MMRN2: variants seen among roughly 807,000 people sequenced by gnomAD.
MMRN2 encodes multimerin 2, also known as multimerin-2.
MMRN2 carries 53 observed loss-of-function variants against 68.8 expected under a neutral mutation model. The ratio of observed to expected loss-of-function variants is 0.77; its 90% confidence interval spans 0.62 to 0.97. MMRN2 has a LOEUF of 0.97. MMRN2 is among the 50% of genes least tolerant of loss of function. The pLI is 0.00. For synonymous variants in MMRN2, 564 were observed against 551.6 expected, an observed-to-expected ratio of 1.02 and a Z score of -0.32; for missense variants, 1,266 against 1,259.5, an observed-to-expected ratio of 1.01 and a Z score of -0.08.
Position 86,936,997 on chromosome 10 carries a change from C to T in MMRN2, c.2596G>A (p.Glu866Lys). The T allele has an allele frequency of 1.2e-6, 2 of 1,614,228 alleles. No individual in the cohort carries two copies. The highest frequency in any genetic ancestry group is 1.7e-6 in the Non-Finnish European group (2 of 1,180,044). ...FPEHGYFRAP[E>K]RGVYLFAVSV... The stretch of plus-strand genomic sequence containing the variant: ...ACTGCAAACAGGTAGACACCACGCT[C>T]AGGGGCTCGGAAGTAGCCATGTTCA... Residue 866 changes from glutamate to lysine, a missense_variant, in exon 7 of 7, where the codon GAG (glutamate) becomes AAG (lysine). Coordinates refer to ENST00000372027, the MANE Select transcript of MMRN2 (RefSeq NM_024756.3).
intron 6 of MMRN2, among the ~76,000 whole-genome samples, chr10:86,939,363 G>T (rs1843925212): frequency 6.6e-6 from 1 of 151,042 alleles, no homozygotes; most frequent in Non-Finnish European, 1.5e-5. Context: ...TCGGGAGGCT[G>T]AGGCAGGAGA....
Position 86,943,005 on chromosome 10 carries a change from G to C in MMRN2, c.1779C>G (p.His593Gln). The C allele has an allele frequency of 7.0e-7, 1 of 1,419,744 alleles. No homozygotes were observed. Among genetic ancestry groups the C allele is most frequent in the Non-Finnish European group, 9.2e-7 (1 of 1,086,774 alleles). The allele number at this position is 1,419,744 out of a possible 1,614,324, so 87.9% of individuals were successfully genotyped here. A position where few individuals can be genotyped will look rare whatever the true frequency, so the allele number is the denominator to read the frequency against. The change falls in exon 6 of 7, where the codon CAC becomes CAG. Residue 593 changes from histidine (H) to glutamine (Q), a missense_variant. Transcript: ENST00000372027. The surrounding 1 kb of genome is among the most constrained non-coding windows in gnomAD (Gnocchi z 4.2). ...AEARHEVRQL[H>Q]SAFAALLEDA... is the part of the protein sequence containing the mutation. ...CCTCCAGCAGGGCGGCGAAGGCGCT[G>C]TGCAGCTGGCGCACCTCGTGGCGGG...
intron 1 of MMRN2, among the ~76,000 whole-genome samples, chr10:86,947,183 AGT>A (rs1844082041): frequency 6.6e-6 from 1 of 152,116 alleles, no homozygotes; most frequent in African/African-American, 2.4e-5. Flanking sequence ...ACTTGGACTG[AGT>A]GATGGTGGAC....
rs1434684993 is a variant in MMRN2 at position 86,937,137 on chromosome 10, C to G, written c.2468-12G>C. 2 of 1,612,236 alleles carry G rather than the reference C, an allele frequency of 1.2e-6. No homozygotes were observed. The highest frequency in any genetic ancestry group is 2.2e-5 in the East Asian group (1 of 44,846). Reference sequence around the variant, plus strand: ...GGCCACAGGGGATCCTGAAACATAACAGGACAGTGCTTAGTGATTCATCCC... The same window carrying G: ...GGCCACAGGGGATCCTGAAACATAAGAGGACAGTGCTTAGTGATTCATCCC... On this transcript the variant is annotated splice_polypyrimidine_tract_variant and intron_variant, in intron 6 of 6. Transcript: ENST00000372027.
rs1226749924 is a variant in MMRN2 at position 86,944,443 on chromosome 10, C to T, written c.482-8G>A. On this transcript the variant is annotated splice_region_variant and splice_polypyrimidine_tract_variant and intron_variant, in intron 4 of 6. Transcript: ENST00000372027. ...TCACTGCAGCAAGGTGGCCTAAATA[C>T]ACAGCAGACATAAATGTCAAGGGCT... 6.2e-7 allele frequency: 1 copy of T among 1,613,106 alleles called. No homozygotes were observed. The highest frequency in any genetic ancestry group is 1.1e-5 in the South Asian group (1 of 90,950).
chr10:86,938,067 T>C (rs1208349635), intron 6 of MMRN2, among the ~76,000 whole-genome samples: 5 of 152,158 alleles, frequency 3.3e-5, no homozygotes, highest in Admixed American at 3.3e-4. Flanking sequence ...CCTGAGTAGC[T>C]GGGTCTACAG....
At chr10:86,951,767 C>G (rs1844147886) in intron 1 of MMRN2, among the ~76,000 whole-genome samples, 1 of 152,090 alleles carries the variant, frequency 6.6e-6, no homozygotes, top group Non-Finnish European at 1.5e-5. Context: ...CAGTTTGGAA[C>G]CTGGACACAG....
rs1036126804 is a variant in MMRN2 at position 86,947,099 on chromosome 10, G to A, written c.165-1410C>T. Among the ~76,000 whole-genome samples, 4 of 152,170 alleles carry A rather than the reference G, an allele frequency of 2.6e-5. No homozygotes were observed. The East Asian group carries it at 7.7e-4, about 29-fold the overall frequency. Reference sequence around the variant, plus strand: ...GAAGTGGCATGAAAGAGCCACCCTGGTCCCTGGGTGCAGAGATGATGGGAG... The same window carrying A: ...GAAGTGGCATGAAAGAGCCACCCTGATCCCTGGGTGCAGAGATGATGGGAG... On this transcript the variant is annotated intron_variant, in intron 1 of 6. Coordinates refer to ENST00000372027, the MANE Select transcript of MMRN2 (RefSeq NM_024756.3).
chr10:86,942,936 C>A lies in MMRN2; in HGVS notation c.1848G>T (p.Glu616Asp). 1 of 1,500,546 alleles carries A rather than the reference C, an allele frequency of 6.7e-7. No homozygotes were observed. The highest frequency in any genetic ancestry group is 8.9e-7 in the Non-Finnish European group (1 of 1,125,944). The allele number at this position is 1,500,546 out of a possible 1,614,324, so 93.0% of individuals were successfully genotyped here. A position where few individuals can be genotyped will look rare whatever the true frequency, so the allele number is the denominator to read the frequency against. Reference sequence around the variant, plus strand: ...GCTCAGACATCTCCTCCAGCACCTCCTCCCCGAAGAGCGCGGCCAGCACCG... The same window carrying A: ...GCTCAGACATCTCCTCCAGCACCTCATCCCCGAAGAGCGCGGCCAGCACCG... ...HEAVLAALFGEEVLEEMSEQT... is the reference protein window; with the variant it reads ...HEAVLAALFGDEVLEEMSEQT... The change falls in exon 6 of 7, where the codon GAG becomes GAT. Residue 616 changes from glutamate (E) to aspartate (D), a missense_variant. By Grantham distance (45) the Glu-to-Asp change is conservative. Coordinates refer to ENST00000372027, the MANE Select transcript of MMRN2 (RefSeq NM_024756.3).
Position 86,957,391 on chromosome 10 carries a change from C to T in MMRN2, c.151G>A (p.Asp51Asn), listed in dbSNP as rs1564736457. 6.2e-7 allele frequency: 1 copy of T among 1,613,328 alleles called. No individual in the cohort carries two copies. ...WKAEAEDTGK[D>N]PVGRNWCPYP... ...AGGCCCTCTTACCGTCCTACGGGGT[C>T]CTTGCCGGTGTCCTCAGCCTCTGCC... Residue 51 changes from aspartate to asparagine, a missense_variant, in exon 1 of 7, where the codon GAC becomes AAC. Physicochemically the swap from Asp to Asn is conservative, Grantham distance 23 (BLOSUM62 1). Transcript: ENST00000372027.
Position 86,942,611 on chromosome 10 carries a change from A to G in MMRN2, c.2173T>C (p.Ser725Pro). The stretch of plus-strand genomic sequence containing the variant: ...AGGCCGTGAAGGGAGGCGTTGAGGG[A>G]GGCGGCCCCGGCCCCGGCCTCGGCC... Reference protein sequence around the residue: ...CEAEAGAGAASLNASLHGLHN... With the variant: ...CEAEAGAGAAPLNASLHGLHN... The change falls in exon 6 of 7, where the codon TCC becomes CCC. Residue 725 changes from serine to proline, a missense_variant. Transcript: ENST00000372027. 1 of 1,606,382 alleles carries G rather than the reference A, an allele frequency of 6.2e-7. No homozygotes were observed. Among genetic ancestry groups the G allele is most frequent in the Middle Eastern group, 1.7e-4 (1 of 5,896 alleles).
chr10:86,945,862 T>G, intron 1 of MMRN2, 173 bp from the exon 2 acceptor site: 1 of 1,440,048 alleles, frequency 6.9e-7, no homozygotes, highest in Non-Finnish European at 9.1e-7. Context: ...AGAGCAAATG[T>G]TTCACAATCC....
chr10:86,946,369 C>G (rs904363495), intron 1 of MMRN2, among the ~76,000 whole-genome samples: 33 of 152,204 alleles, frequency 2.2e-4, no homozygotes, highest in African/African-American at 6.0e-4. Flanking sequence ...GGGACCAGCT[C>G]CCTGGCCATG....
chr10:86,941,773 C>G (rs1389996935), intron 6 of MMRN2, among the ~76,000 whole-genome samples: 2 of 139,618 alleles, frequency 1.4e-5, no homozygotes, highest in Admixed American at 1.6e-4. Flanking sequence ...GTACTCAAGC[C>G]TGGACGACAA....
rs771428530 is a variant in MMRN2 at position 86,942,959 on chromosome 10, C to T, written c.1825G>A (p.Val609Met). 8 of 1,496,406 alleles carry T rather than the reference C, an allele frequency of 5.3e-6. No individual in the cohort carries two copies. The African/African-American group carries it at 8.7e-5, about 16-fold the overall frequency. 92.7% of individuals were successfully genotyped at this position (1,496,406 alleles called of 1,614,324 possible). Reference sequence around the variant, plus strand: ...TCCTCCCCGAAGAGCGCGGCCAGCACCGCCTCGTGCCGCAGCGCGTCCTCC... The same window carrying T: ...TCCTCCCCGAAGAGCGCGGCCAGCATCGCCTCGTGCCGCAGCGCGTCCTCC... The part of the protein sequence containing the change: ...LLEDALRHEA[V>M]LAALFGEEVL... The change falls in exon 6 of 7, where the codon GTG becomes ATG. Residue 609 changes from valine to methionine, a missense_variant. Coordinates refer to ENST00000372027, the MANE Select transcript of MMRN2 (RefSeq NM_024756.3).
In MMRN2 at chr10:86,936,146, A is replaced by G; in HGVS notation, c.*597T>C. ...TTTTAGGTGGGGGCACAGCTAAACC[A>G]TATCCTACAAGGAATGACTGAAACT... On this transcript the variant is annotated 3_prime_UTR_variant, in exon 7 of 7. Transcript: ENST00000372027. 3.0e-6 allele frequency: 1 copy of G among 334,114 alleles called. No individual in the cohort carries two copies. Among genetic ancestry groups the G allele is most frequent in the Non-Finnish European group, 5.4e-6 (1 of 185,862 alleles). 20.7% of individuals were successfully genotyped at this position (334,114 alleles called of 1,614,324 possible).
Position 86,936,674 on chromosome 10 carries a change from C to T in MMRN2, c.*69G>A. On this transcript the variant is annotated 3_prime_UTR_variant, in exon 7 of 7. Transcript: ENST00000372027. ...CCAACTGAATGACCTCCAGCCCATC[C>T]TTGGCCAGAGCCCCAGGCCGAGGAG... 1 of 1,568,328 alleles carries T rather than the reference C, an allele frequency of 6.4e-7. No individual in the cohort carries two copies. Among genetic ancestry groups the T allele is most frequent in the Middle Eastern group, 2.0e-4 (1 of 5,124 alleles).
chr10:86,943,035 G>A lies in MMRN2; in HGVS notation c.1749C>T (p.Ala583=), dbSNP rs777785282. ...DEVGALKAAA[A]EARHEVRQLH... is the part of the protein sequence containing the mutation. ...GCTGGCGCACCTCGTGGCGGGCCTC[G>A]GCCGCGGCCGCCTTCAGCGCGCCCA... is the stretch of plus-strand genomic sequence containing the variant. Residue 583 remains alanine, a synonymous_variant, in exon 6 of 7, where the codon GCC becomes GCT. Coordinates refer to ENST00000372027, the MANE Select transcript of MMRN2 (RefSeq NM_024756.3). The surrounding 1 kb of genome is among the most constrained non-coding windows in gnomAD (Gnocchi z 4.2). The A allele has an allele frequency of 5.9e-6, 8 of 1,350,274 alleles. No individual in the cohort carries two copies. The Admixed American group carries it at 2.3e-4, about 39-fold the overall frequency. 83.6% of individuals were successfully genotyped at this position (1,350,274 alleles called of 1,614,324 possible). A position where few individuals can be genotyped will look rare whatever the true frequency, so the allele number is the denominator to read the frequency against.
intron 1 of MMRN2, among the ~76,000 whole-genome samples, chr10:86,954,969 TG>T (rs1844197971): frequency 6.6e-6 from 1 of 151,990 alleles, no homozygotes; most frequent in Non-Finnish European, 1.5e-5. Flanking sequence ...AGCTCCCAGC[TG>T]GGAAAATCTC....
Sources: allele counts gnomAD v4.1 joint callset (sites outside exome capture counted in the v4.1 genomes callset), GRCh38; gene constraint gnomAD v4.1.1; non-coding constraint Gnocchi (gnomAD v3.1); transcripts MANE v1.5; gene names NCBI Gene and HGNC (gene_info 2026-07-23, HGNC 2026-07-21).